The following DTNB variants were observed in gnomAD, a reference collection of about 807,000 sequenced individuals.
The protein encoded by DTNB is dystrobrevin beta, also known as DTN-B.
DTNB carries 63 observed loss-of-function variants against 90.7 expected under a neutral mutation model. The ratio of observed to expected loss-of-function variants is 0.69; its 90% CI spans 0.57 to 0.86. The LOEUF (loss-of-function observed/expected upper bound fraction) is 0.86, where lower values mean the gene tolerates loss of function less well. Among genes scored for constraint, DTNB ranks in the 40% least tolerant of loss-of-function variants. The pLI, the probability that DTNB is intolerant of heterozygous loss-of-function variation, is 0.00. For missense variants in DTNB, 744 were observed against 807.1 expected (o/e 0.92, Z 0.95); for synonymous variants, 277 against 286.7 (o/e 0.97, Z 0.34).
intron 4 of DTNB, among the ~76,000 whole-genome samples, chr2:25,623,814 C>T (rs2073429772): frequency 6.6e-6 from 1 of 152,006 alleles, no homozygotes; most frequent in African/African-American, 2.4e-5. Flanking sequence ...ACAAACAGTA[C>T]AAAAAGAACC....
intron 8 of DTNB, among the ~76,000 whole-genome samples, chr2:25,536,088 C>T (rs2079651520): frequency 6.6e-6 from 1 of 151,178 alleles, no homozygotes; most frequent in South Asian, 2.1e-4. Context: ...GGCCGAGGCG[C>T]TCCTCACTTC....
chr2:25,642,814 C>T (rs1160274223), intron 2 of DTNB, among the ~76,000 whole-genome samples: 3 of 151,674 alleles, frequency 2.0e-5, no homozygotes, highest in African/African-American at 7.3e-5. Flanking sequence ...AGTGCAGTGG[C>T]GCGATCTCAG....
chr2:25,388,375 G>T lies in DTNB; in HGVS notation c.1576-14C>A, dbSNP rs1331834780. 1.3e-6 allele frequency: 2 copies of T among 1,590,494 alleles called. No homozygotes were observed. Among genetic ancestry groups the T allele is most frequent in the East Asian group, 4.5e-5 (2 of 44,406 alleles). Reference sequence around the variant, plus strand: ...TGTGGCCTGAGCCTGGAGATTCAAAGACAGAAAATACGTTATCTCAAGTAC... The same window carrying T: ...TGTGGCCTGAGCCTGGAGATTCAAATACAGAAAATACGTTATCTCAAGTAC... On this transcript the variant is annotated splice_polypyrimidine_tract_variant and intron_variant, in intron 16 of 20. Transcript: ENST00000406818.
intron 2 of DTNB, among the ~76,000 whole-genome samples, chr2:25,644,651 G>A (rs905122714): frequency 3.3e-5 from 5 of 152,140 alleles, no homozygotes; most frequent in Non-Finnish European, 7.3e-5. Flanking sequence ...TACTCCAGAG[G>A]CTGAGACAGG....
chr2:25,398,481 G>C (rs997946754), intron 16 of DTNB, among the ~76,000 whole-genome samples: 2 of 152,174 alleles, frequency 1.3e-5, no homozygotes, highest in African/African-American at 4.8e-5. Context: ...TTGCAATCCT[G>C]GGTGGGTCAG....
intron 20 of DTNB, among the ~76,000 whole-genome samples, chr2:25,378,395 G>A (rs945006315): frequency 6.6e-6 from 1 of 152,156 alleles, no homozygotes; most frequent in Admixed American, 6.5e-5. Context: ...AGGCTGCAGG[G>A]GCCCCGGGGG....
intron 8 of DTNB, among the ~76,000 whole-genome samples, chr2:25,552,901 C>T (rs1400699819): frequency 8.0e-5 from 9 of 113,042 alleles, no homozygotes; most frequent in South Asian, 3.0e-4. Flanking sequence ...TCGCCCAGGT[C>T]GGACTGCGGA....
intron 9 of DTNB, among the ~76,000 whole-genome samples, chr2:25,512,698 A>G (rs992287960): frequency 4.6e-5 from 7 of 152,236 alleles, no homozygotes; most frequent in Non-Finnish European, 1.0e-4. Flanking sequence ...CCAGGATTTA[A>G]ACTGGACTCC....
chr2:25,653,365 C>T (rs529097749), intron 1 of DTNB, among the ~76,000 whole-genome samples: 2 of 150,348 alleles, frequency 1.3e-5, no homozygotes, highest in East Asian at 3.9e-4. Context: ...TGCCTTTCAC[C>T]TCCCACCATG....
intron 4 of DTNB, among the ~76,000 whole-genome samples, chr2:25,612,494 A>C (rs1330640824): frequency 6.6e-6 from 1 of 152,120 alleles, no homozygotes; most frequent in Admixed American, 6.6e-5. Context: ...AGGTTCTCAA[A>C]TCTAACCCTC....
intron 19 of DTNB, among the ~76,000 whole-genome samples, chr2:25,382,841 G>A (rs1293944898): frequency 3.9e-5 from 6 of 152,082 alleles, no homozygotes; most frequent in South Asian, 2.1e-4. Flanking sequence ...AATCTCTGCC[G>A]TTTAACAGCT....
intron 1 of DTNB, among the ~76,000 whole-genome samples, chr2:25,670,717 T>G (rs1228415984): frequency 6.6e-6 from 1 of 151,638 alleles, no homozygotes; most frequent in Non-Finnish European, 1.5e-5. Flanking sequence ...TAAAAGGGAG[T>G]AGGGAAGATA....
At chr2:25,470,134 A>C (rs923158699) in intron 10 of DTNB, among the ~76,000 whole-genome samples, 1 of 152,178 alleles carries the variant, frequency 6.6e-6, no homozygotes, top group Non-Finnish European at 1.5e-5. Context: ...ATTGTAAGAC[A>C]ATTCTCTGAC....
chr2:25,427,237 T>A (rs1385463848), intron 15 of DTNB, among the ~76,000 whole-genome samples: 1 of 148,184 alleles, frequency 6.7e-6, no homozygotes, highest in African/African-American at 2.5e-5. Context: ...CTTTAAGTAG[T>A]TGAGAAATAT....
intron 16 of DTNB, among the ~76,000 whole-genome samples, chr2:25,410,455 G>A (rs2046317541): frequency 6.6e-6 from 1 of 152,148 alleles, no homozygotes; most frequent in Non-Finnish European, 1.5e-5. Context: ...TCCCCACCAC[G>A]CAAGACAGGA....
At chr2:25,529,684 T>C (rs998895865) in intron 9 of DTNB, among the ~76,000 whole-genome samples, 1 of 152,022 alleles carries the variant, frequency 6.6e-6, no homozygotes, top group Admixed American at 6.6e-5. Flanking sequence ...CGGTAATCAA[T>C]GGTAGGTAAG....
At chr2:25,480,440 GTA>G (rs1442559967) in intron 10 of DTNB, among the ~76,000 whole-genome samples, 1 of 152,142 alleles carries the variant, frequency 6.6e-6, no homozygotes, top group African/African-American at 2.4e-5. Context: ...AAAATGACAG[GTA>G]TCATTTTGTG....
chr2:25,575,476 C>T (rs1034615191), intron 8 of DTNB, among the ~76,000 whole-genome samples: 1 of 151,672 alleles, frequency 6.6e-6, no homozygotes, highest in Non-Finnish European at 1.5e-5. Flanking sequence ...ATAGGATATT[C>T]AGTTTAACAA....
At chr2:25,574,094 C>G (rs1285307890) in intron 8 of DTNB, among the ~76,000 whole-genome samples, 1 of 152,212 alleles carries the variant, frequency 6.6e-6, no homozygotes, top group Non-Finnish European at 1.5e-5. Context: ...AAGAACTACT[C>G]ACATGGTTCC....
Sources: allele counts gnomAD v4.1 joint callset (sites outside exome capture counted in the v4.1 genomes callset), GRCh38; gene constraint gnomAD v4.1.1; transcripts MANE v1.5; gene names NCBI Gene and HGNC (gene_info 2026-07-23, HGNC 2026-07-21).